The following EDA variants were observed in gnomAD, a reference collection of about 807,000 sequenced individuals.
The protein encoded by EDA is ectodysplasin A.
EDA carries 2 observed loss-of-function variants against 23.6 expected under a neutral mutation model. The ratio of observed to expected loss-of-function variants is 0.08; its 90% CI spans 0.03 to 0.27. The LOEUF (loss-of-function observed/expected upper bound fraction) is 0.27. Among genes scored for constraint, EDA ranks in the 10% least tolerant of loss-of-function variants. EDA has a pLI of 1.00. For missense variants in EDA, 229 were observed against 324.2 expected, an observed-to-expected ratio of 0.71 and a Z score of 2.26; for synonymous variants, 131 against 132.0, an observed-to-expected ratio of 0.99 and a Z score of 0.05.
intron 1 of EDA, among the ~76,000 whole-genome samples, chrX:69,653,111 A>G (rs1933159117): frequency 8.9e-6 from 1 of 112,137 alleles, no homozygotes; most frequent in Non-Finnish European, 1.9e-5. Context: ...ACCCATGAGC[A>G]TGGAATGTTC....
intron 1 of EDA, among the ~76,000 whole-genome samples, chrX:69,940,019 G>C (rs1244159280): frequency 9.0e-6 from 1 of 110,995 alleles, no homozygotes; most frequent in Non-Finnish European, 1.9e-5. Context: ...TTGTATCAAT[G>C]TTTATCAGGG....
chrX:69,959,196 C>T (rs752609327), intron 2 of EDA, among the ~76,000 whole-genome samples: 1 of 111,978 alleles, frequency 8.9e-6, no homozygotes, highest in Non-Finnish European at 1.9e-5. Context: ...ATATACTTCC[C>T]TCCTGATCTG....
At chrX:69,785,636 T>A (rs1422305668) in intron 1 of EDA, among the ~76,000 whole-genome samples, 29 of 109,960 alleles carry the variant, frequency 2.6e-4, no homozygotes, top group East Asian at 8.4e-4. Flanking sequence ...CATCCCAGGG[T>A]TGAAGCCCAC....
Position 69,820,548 on chromosome X carries a change from GA to G in EDA, c.397-136472del, listed in dbSNP as rs200288434. Among the ~76,000 whole-genome samples the G allele has an allele frequency of 7.7e-3, 858 of 111,248 alleles. 5 individuals carry two copies. Among genetic ancestry groups the G allele is most frequent in the African/African-American group, 0.027 (827 of 30,673 alleles). On this transcript the variant is annotated intron_variant, in intron 1 of 7. Transcript: ENST00000374552. ...ATAAGGAATTTAAACAAATTTACAA[GA>G]AAAAAACAACCCCATTAAAAGGTGG...
intron 1 of EDA, chrX:69,937,318 T>A: frequency 1.6e-6 from 1 of 641,631 alleles, no homozygotes; most frequent in Non-Finnish European, 2.7e-6. Flanking sequence ...GCCATTCCTG[T>A]CAGCAATGAT....
At chrX:69,621,082 G>C (rs745970238) in intron 1 of EDA, 2 of 213,664 alleles carry the variant, frequency 9.4e-6, no homozygotes, top group East Asian at 3.2e-4. Context: ...AAAGCTTCCT[G>C]TAATATATTG....
chrX:69,719,130 T>C (rs1367675321), intron 1 of EDA, among the ~76,000 whole-genome samples: 2 of 111,310 alleles, frequency 1.8e-5, no homozygotes, highest in Admixed American at 1.9e-4. Context: ...GGTTGTAGGA[T>C]CTAGTGATAT....
Position 69,688,492 on chromosome X carries a change from C to T in EDA, c.396+71788C>T, listed in dbSNP as rs893608445. ...CTTGACTCACTACAACCTCCACCTC[C>T]CGGGCTCAAGCAATTCTTGTGCCTC... On this transcript the variant is annotated intron_variant, in intron 1 of 7. Transcript: ENST00000374552. Among the ~76,000 whole-genome samples the T allele has an allele frequency of 1.7e-4, 19 of 111,386 alleles. No homozygotes were observed. In the South Asian group the frequency reaches 6.9e-3, roughly 41 times the overall value.
At chrX:69,899,037 T>C (rs1241604749) in intron 1 of EDA, among the ~76,000 whole-genome samples, 1 of 112,339 alleles carries the variant, frequency 8.9e-6, no homozygotes, top group African/African-American at 3.2e-5. Context: ...CTATGAAGTA[T>C]AGTACTGAAG....
chrX:69,883,218 GTCTT>G (rs2017777327), intron 1 of EDA, among the ~76,000 whole-genome samples: 1 of 111,974 alleles, frequency 8.9e-6, no homozygotes, highest in Non-Finnish European at 1.9e-5. Context: ...TCTGATGCAT[GTCTT>G]TCAAGCCCAA....
intron 1 of EDA, among the ~76,000 whole-genome samples, chrX:69,773,787 A>G: frequency 9.0e-6 from 1 of 111,502 alleles, no homozygotes; most frequent in Non-Finnish European, 1.9e-5. Flanking sequence ...TTCTGTATAT[A>G]TTCTGGAATT....
chrX:69,917,363 G>C (rs1056794141), intron 1 of EDA, among the ~76,000 whole-genome samples: 1 of 112,156 alleles, frequency 8.9e-6, no homozygotes, highest in East Asian at 2.8e-4. Context: ...TCTTGCAAAT[G>C]AATCAAGACA....
At chrX:69,934,675 C>T (rs1455105100) in intron 1 of EDA, among the ~76,000 whole-genome samples, 1 of 110,874 alleles carries the variant, frequency 9.0e-6, no homozygotes, top group Non-Finnish European at 1.9e-5. Flanking sequence ...TTATGGGTTA[C>T]ACGAGATATT....
chrX:69,941,021 C>T (rs2147688374), intron 1 of EDA, among the ~76,000 whole-genome samples: 1 of 111,673 alleles, frequency 9.0e-6, no homozygotes, highest in East Asian at 2.8e-4. Flanking sequence ...TTAGTTTCTT[C>T]ATTGGCCCAC....
intron 1 of EDA, chrX:69,670,157 G>T (rs1035695986): frequency 1.3e-5 from 4 of 307,506 alleles, no homozygotes; most frequent in African/African-American, 9.0e-5. Flanking sequence ...TGACAGACTT[G>T]CTGGGTATAG....
At chrX:69,677,768 G>C (rs1934161168) in intron 1 of EDA, among the ~76,000 whole-genome samples, 1 of 111,715 alleles carries the variant, frequency 9.0e-6, no homozygotes, top group African/African-American at 3.3e-5. Flanking sequence ...CTCCCATTCT[G>C]TAGGTTGCCT....
At chrX:69,718,526 A>G (rs1009375186) in intron 1 of EDA, among the ~76,000 whole-genome samples, 2 of 110,252 alleles carry the variant, frequency 1.8e-5, no homozygotes, top group Admixed American at 9.7e-5. Flanking sequence ...TTTGTCAGAT[A>G]CCTTTTCTGC....
At chrX:69,667,698 G>A (rs1314166951) in intron 1 of EDA, among the ~76,000 whole-genome samples, 4 of 111,671 alleles carry the variant, frequency 3.6e-5, no homozygotes, top group African/African-American at 1.3e-4. Flanking sequence ...TTTGGGACCT[G>A]TCTTAATTCA....
chrX:69,727,157 G>A lies in EDA; in HGVS notation c.396+110453G>A, dbSNP rs1025320202. Reference sequence around the variant, plus strand: ...AACTTCCCCCAGAGTTCGGCTGTCCGCAGTGAACTCCTCTCGACGACTTTC... The same window carrying A: ...AACTTCCCCCAGAGTTCGGCTGTCCACAGTGAACTCCTCTCGACGACTTTC... On this transcript the variant is annotated intron_variant, in intron 1 of 7. Transcript: ENST00000374552. Among the ~76,000 whole-genome samples the A allele has an allele frequency of 3.6e-5, 4 of 111,519 alleles. No individual in the cohort carries two copies. The East Asian group carries it at 1.1e-3, about 32-fold the overall frequency.
Sources: gnomAD v4.1 joint callset for allele counts (sites outside exome capture counted in the v4.1 genomes callset) on GRCh38, gnomAD v4.1.1 for gene constraint, MANE v1.5 for transcripts, NCBI Gene and HGNC (gene_info 2026-07-23, HGNC 2026-07-21) for gene names.